The following TNC variants were observed in gnomAD, a reference collection of about 807,000 sequenced individuals.
The protein encoded by TNC is tenascin.
A neutral mutation model predicts 202.4 loss-of-function variants in TNC; 109 were observed. That is an observed-to-expected ratio of 0.54 (90% CI 0.46 to 0.63). TNC has a LOEUF of 0.63. Ranked by LOEUF, TNC falls within the 30% of genes least tolerant of loss-of-function variation. The pLI is 0.00. For synonymous variants in TNC, 1,007 were observed against 1,089.7 expected (o/e 0.92, Z 1.50); for missense variants, 2,756 against 2,833.3 (o/e 0.97, Z 0.62).
rs1360093160 is a variant in TNC at position 115,031,508 on chromosome 9, T to G, written c.5920+45A>C. On this transcript the variant is annotated intron_variant, in intron 23 of 27. Coordinates refer to ENST00000350763, the MANE Select transcript of TNC (RefSeq NM_002160.4). ...AAGGGGAAGTCAAGGGTTGATTCAGTCAAAGTTAGATCTCAAGGCTGGATG... is the reference window on the plus strand; with the variant it reads ...AAGGGGAAGTCAAGGGTTGATTCAGGCAAAGTTAGATCTCAAGGCTGGATG... 4 of 1,468,622 alleles carry G rather than the reference T, an allele frequency of 2.7e-6. No individual in the cohort carries two copies. The South Asian group carries it at 6.0e-5, about 22-fold the overall frequency. 91.0% of individuals were successfully genotyped at this position (1,468,622 alleles called of 1,614,324 possible). A position where few individuals can be genotyped will look rare whatever the true frequency, so the allele number is the denominator to read the frequency against.
At chr9:115,042,902 A>T (rs2132014880) in intron 17 of TNC, among the ~76,000 whole-genome samples, 1 of 152,252 alleles carries the variant, frequency 6.6e-6, no homozygotes, top group East Asian at 1.9e-4. Context: ...GGAATCCTGG[A>T]AATAACGTTC....
chr9:115,084,281 C>G lies in TNC; in HGVS notation c.2059G>C (p.Glu687Gln), dbSNP rs778052708. The G allele has an allele frequency of 2.5e-5, 40 of 1,614,138 alleles. No individual in the cohort carries two copies. Among genetic ancestry groups the G allele is most frequent in the Non-Finnish European group, 3.4e-5 (40 of 1,180,018 alleles). ...ATGGCAAATACACGGATAAAGTACT[C>G]CACACCAGGCTCCAGCTCCTGGATG... Reference protein sequence around the residue: ...TIIQELEPGVEYFIRVFAILE... With the variant: ...TIIQELEPGVQYFIRVFAILE... Residue 687 changes from glutamate (E) to glutamine (Q), a missense_variant, in exon 4 of 28, where the codon GAG (glutamate) becomes CAG (glutamine). Around this residue, in one of 2 missense-constraint regions of TNC, gnomAD observed 2,559 missense variants for 2,546.0 expected, o/e 1.01. Coordinates refer to ENST00000350763, the MANE Select transcript of TNC (RefSeq NM_002160.4).
intron 13 of TNC, 63 bp downstream of exon 13, chr9:115,062,854 T>A: frequency 1.3e-6 from 2 of 1,550,990 alleles, no homozygotes; most frequent in Admixed American, 3.6e-5. Flanking sequence ...CGGGTGAATT[T>A]TCTCTATTTC....
At chr9:115,063,300 AT>A in intron 12 of TNC, 111 bp from the exon 13 acceptor site, 2 of 1,130,542 alleles carry the variant, frequency 1.8e-6, no homozygotes, top group Non-Finnish European at 2.5e-6. Context: ...GTTAGTGTTG[AT>A]TATAGATGCA....
chr9:115,030,676 C>G (rs1048494869), intron 23 of TNC, among the ~76,000 whole-genome samples: 5 of 152,088 alleles, frequency 3.3e-5, no homozygotes, highest in African/African-American at 1.2e-4. Context: ...TATTTCACAG[C>G]CCTAGTATAA....
chr9:115,031,752 C>A, intron 22 of TNC, 67 bp from the exon 23 acceptor site: 3 of 1,563,304 alleles, frequency 1.9e-6, no homozygotes, highest in South Asian at 1.2e-5. Flanking sequence ...GATAAGAAGT[C>A]ATTCTATTTA....
In TNC at chr9:115,059,855, G is replaced by T. The variant is rs781057573; in HGVS notation, c.4181C>A (p.Thr1394Lys). ...CACAGCCCTGAGGCTGCCAGGCAAC[G>T]TGAGGTTCTGGGCTGCCTCCACTTT... ...VNKVEAAQNL[T>K]LPGSLRAVDI... Residue 1394 changes from threonine to lysine, a missense_variant, in exon 14 of 28, where the codon ACG becomes AAG. Coordinates refer to ENST00000350763, the MANE Select transcript of TNC (RefSeq NM_002160.4). 2.0e-5 allele frequency: 33 copies of T among 1,614,074 alleles called. No individual in the cohort carries two copies. Among genetic ancestry groups the T allele is most frequent in the South Asian group, 1.2e-4 (11 of 91,078 alleles).
chr9:115,066,676 TCAGC>T (rs1832978171), intron 10 of TNC, among the ~76,000 whole-genome samples: 1 of 152,220 alleles, frequency 6.6e-6, no homozygotes, highest in Non-Finnish European at 1.5e-5. Flanking sequence ...ATTTTGGTAG[TCAGC>T]AAGCTAACAA....
chr9:115,076,072 T>C lies in TNC; in HGVS notation c.2910A>G (p.Glu970=). Reference sequence around the variant, plus strand: ...TGGTCGCTGGATTGCTCTCCTTGTCTTCCTTCACAGCAGAAACTCCAATCC... The same window carrying C: ...TGGTCGCTGGATTGCTCTCCTTGTCCTCCTTCACAGCAGAAACTCCAATCC... The part of the protein sequence containing the change: ...EYGIGVSAVK[E]DKESNPATIN... The change falls in exon 9 of 28, where the codon GAA becomes GAG. Residue 970 remains glutamate, a synonymous_variant. Coordinates refer to ENST00000350763, the MANE Select transcript of TNC (RefSeq NM_002160.4). The C allele has an allele frequency of 6.2e-7, 1 of 1,614,176 alleles. No individual in the cohort carries two copies. Among genetic ancestry groups the C allele is most frequent in the Non-Finnish European group, 8.5e-7 (1 of 1,180,036 alleles).
At chr9:115,089,646 A>T (rs1835064514) in intron 2 of TNC, among the ~76,000 whole-genome samples, 1 of 152,088 alleles carries the variant, frequency 6.6e-6, no homozygotes, top group Non-Finnish European at 1.5e-5. Context: ...GATTACAGGC[A>T]TGCACCACCA....
chr9:115,026,193 T>C (rs1030507126), intron 26 of TNC, among the ~76,000 whole-genome samples: 3 of 152,110 alleles, frequency 2.0e-5, no homozygotes, highest in African/African-American at 4.8e-5. Flanking sequence ...AAGTGCTGGA[T>C]TGGATGAATA....
intron 8 of TNC, 62 bp downstream of exon 8, chr9:115,076,328 G>A (rs1833848548): frequency 3.8e-6 from 6 of 1,572,068 alleles, no homozygotes; most frequent in Non-Finnish European, 4.3e-6. Context: ...GGGAGCAGGT[G>A]CCCATCCTTT....
chr9:115,071,067 C>G (rs1054823193), intron 10 of TNC, among the ~76,000 whole-genome samples: 1 of 152,134 alleles, frequency 6.6e-6, no homozygotes, highest in South Asian at 2.1e-4. Flanking sequence ...TCTGTTTGTT[C>G]GCTACACAGT....
chr9:115,096,363 T>C (rs1257498148), intron 1 of TNC, among the ~76,000 whole-genome samples: 1 of 152,234 alleles, frequency 6.6e-6, no homozygotes, highest in Non-Finnish European at 1.5e-5. Context: ...CTCAGTTGTA[T>C]CACTCACATT....
intron 10 of TNC, among the ~76,000 whole-genome samples, chr9:115,071,702 AAGG>A (rs1264315173): frequency 6.6e-6 from 1 of 152,122 alleles, no homozygotes; most frequent in Admixed American, 6.6e-5. Flanking sequence ...GGGGCAGAGG[AAGG>A]AGGAGGAGGA....
chr9:115,087,073 C>A lies in TNC; in HGVS notation c.658G>T (p.Ala220Ser). 1 of 1,613,720 alleles carries A rather than the reference C, an allele frequency of 6.2e-7. No individual in the cohort carries two copies. Among genetic ancestry groups the A allele is most frequent in the Non-Finnish European group, 8.5e-7 (1 of 1,179,890 alleles). The change falls in exon 3 of 28, where the codon GCT (alanine) becomes TCT (serine). Residue 220 changes from alanine to serine, a missense_variant. Ala to Ser is a moderately conservative substitution (Grantham distance 99). Around this residue, in one of 2 missense-constraint regions of TNC, gnomAD observed 2,559 missense variants for 2,546.0 expected, o/e 1.01. Transcript: ENST00000350763. ...TGGTCATTGCAGTCGCTGGGGCAAG[C>A]CAGCTGGCTGCAGTCCTCGCCCGTG... ...GFTGEDCSQL[A>S]CPSDCNDQGK...
chr9:115,039,150 G>C (rs992966823), intron 19 of TNC, among the ~76,000 whole-genome samples: 5 of 152,166 alleles, frequency 3.3e-5, no homozygotes, highest in African/African-American at 1.2e-4. Context: ...TCTGAGCTTT[G>C]AGTGGTATTT....
Position 115,087,092 on chromosome 9 carries a change from G to T in TNC, c.639C>A (p.Gly213=), listed in dbSNP as rs770598416. 2 of 1,614,214 alleles carry T rather than the reference G, an allele frequency of 1.2e-6. No homozygotes were observed. The highest frequency in any genetic ancestry group is 2.2e-5 in the South Asian group (2 of 91,088). The change falls in exon 3 of 28, where the codon GGC becomes GGA. Residue 213 remains glycine (G), a synonymous_variant. Coordinates refer to ENST00000350763, the MANE Select transcript of TNC (RefSeq NM_002160.4). ...GGCAAGCCAGCTGGCTGCAGTCCTCGCCCGTGAAGCCGTCGTCACAGATGC... is the reference window on the plus strand; with the variant it reads ...GGCAAGCCAGCTGGCTGCAGTCCTCTCCCGTGAAGCCGTCGTCACAGATGC... ...GQCICDDGFT[G]EDCSQLACPS...
intron 7 of TNC, among the ~76,000 whole-genome samples, chr9:115,077,408 G>A (rs1214330097): frequency 6.6e-6 from 1 of 151,678 alleles, no homozygotes; most frequent in Non-Finnish European, 1.5e-5. Flanking sequence ...GGCCAGGATG[G>A]TCTCCATCTC....
Sources: allele counts gnomAD v4.1 joint callset (sites outside exome capture counted in the v4.1 genomes callset), GRCh38; gene constraint gnomAD v4.1.1; regional missense constraint gnomAD v4.1.1; transcripts MANE v1.5; gene names NCBI Gene and HGNC (gene_info 2026-07-23, HGNC 2026-07-21).